SH3GLB1: variants seen among roughly 807,000 people sequenced by gnomAD.
SH3GLB1 encodes the protein SH3 domain containing GRB2 like, endophilin B1, also known as endophilin-B1.
A neutral mutation model predicts 42.0 loss-of-function variants in SH3GLB1; 17 were observed. The ratio of observed to expected loss-of-function variants is 0.40; its 90% CI spans 0.28 to 0.61. The LOEUF is 0.61. SH3GLB1 is among the 20% of genes least tolerant of loss of function. SH3GLB1 has a pLI of 0.36. For synonymous variants in SH3GLB1, 132 were observed against 146.6 expected (o/e 0.90, Z 0.72); for missense variants, 355 against 426.3 (o/e 0.83, Z 1.47).
Position 86,742,428 on chromosome 1 carries a change from G to T in SH3GLB1, c.982G>T (p.Ala328Ser). 6.2e-7 allele frequency: 1 copy of T among 1,613,152 alleles called. No homozygotes were observed. The highest frequency in any genetic ancestry group is 8.5e-7 in the Non-Finnish European group (1 of 1,179,180). ...AAACAGTACTGAATTATCACTTCTG[G>T]CAGATGAGGTGAGTATTGTGGGTAT... is the stretch of plus-strand genomic sequence containing the variant. ...AANSTELSLL[A>S]DEVITVFSVV... Residue 328 changes from alanine (A) to serine (S), a missense_variant, in exon 8 of 9, where the codon GCA becomes TCA. Physicochemically the swap from Ala to Ser is moderately conservative, Grantham distance 99 (BLOSUM62 1). Coordinates refer to ENST00000370558, the MANE Select transcript of SH3GLB1 (RefSeq NM_016009.5).
intron 4 of SH3GLB1, among the ~76,000 whole-genome samples, chr1:86,723,886 T>G (rs990847384): frequency 6.6e-6 from 1 of 152,178 alleles, no homozygotes; most frequent in Non-Finnish European, 1.5e-5. Context: ...AATGACGTTT[T>G]GGGCTGCACA....
At chr1:86,725,934 T>C (rs1655173025) in intron 5 of SH3GLB1, among the ~76,000 whole-genome samples, 1 of 152,162 alleles carries the variant, frequency 6.6e-6, no homozygotes, top group Non-Finnish European at 1.5e-5. Flanking sequence ...TCACAGTTTA[T>C]CATTACATCA....
intron 1 of SH3GLB1, among the ~76,000 whole-genome samples, chr1:86,707,891 C>G (rs1332834100): frequency 6.6e-6 from 1 of 152,006 alleles, no homozygotes; most frequent in Non-Finnish European, 1.5e-5. Context: ...CAGGATCCAC[C>G]TGCTTCGGCC....
In SH3GLB1 at chr1:86,746,284, A is replaced by G. The variant is rs768444313; in HGVS notation, c.*3049A>G. On this transcript the variant is annotated 3_prime_UTR_variant, in exon 9 of 9. Transcript: ENST00000370558. ...TGGAGGGCAAGGCAAAAACCCACAG[A>G]CTTGTTTACCCATAGAGGCCCCACT... The G allele has an allele frequency of 1.3e-5, 2 of 152,138 alleles. No individual in the cohort carries two copies. The highest frequency in any genetic ancestry group is 2.9e-5 in the Non-Finnish European group (2 of 68,020). The allele number at this position is 152,138 out of a possible 1,614,324, so 9.4% of individuals were successfully genotyped here.
At chr1:86,709,400 T>C (rs1654065022) in intron 1 of SH3GLB1, among the ~76,000 whole-genome samples, 1 of 152,206 alleles carries the variant, frequency 6.6e-6, no homozygotes, top group Non-Finnish European at 1.5e-5. Flanking sequence ...GACCTTGAAG[T>C]TAACTAATAC....
At chr1:86,709,116 A>G (rs1371064437) in intron 1 of SH3GLB1, among the ~76,000 whole-genome samples, 2 of 152,218 alleles carry the variant, frequency 1.3e-5, no homozygotes, top group African/African-American at 2.4e-5. Context: ...TTCAATTCCA[A>G]ATGATGAGGT....
chr1:86,727,577 A>C (rs887648218), intron 5 of SH3GLB1, among the ~76,000 whole-genome samples: 2 of 152,042 alleles, frequency 1.3e-5, no homozygotes, highest in African/African-American at 4.8e-5. Context: ...CCAAAACCAG[A>C]AATCTGAAAC....
At chr1:86,740,419 G>A (rs746213479) in intron 7 of SH3GLB1, among the ~76,000 whole-genome samples, 14 of 152,208 alleles carry the variant, frequency 9.2e-5, no homozygotes, top group Non-Finnish European at 1.9e-4. Flanking sequence ...TCCTGTTAAA[G>A]TAGATGCATG....
chr1:86,717,167 C>T (rs916052452), intron 2 of SH3GLB1, among the ~76,000 whole-genome samples: 1 of 152,120 alleles, frequency 6.6e-6, no homozygotes, highest in Non-Finnish European at 1.5e-5. Context: ...TTGAGTGAGT[C>T]CTAATGTCTT....
In SH3GLB1 at chr1:86,744,716, A is replaced by G. The variant is rs1201940642; in HGVS notation, c.*1481A>G. ...TACTTTTAAAAAAATGAATACTTAAACACCGTTTTAAAATTTTGTGTTAAG... is the reference window on the plus strand; with the variant it reads ...TACTTTTAAAAAAATGAATACTTAAGCACCGTTTTAAAATTTTGTGTTAAG... On this transcript the variant is annotated 3_prime_UTR_variant, in exon 9 of 9. Coordinates refer to ENST00000370558, the MANE Select transcript of SH3GLB1 (RefSeq NM_016009.5). 1 of 152,234 alleles carries G rather than the reference A, an allele frequency of 6.6e-6. No homozygotes were observed. The highest frequency in any genetic ancestry group is 1.5e-5 in the Non-Finnish European group (1 of 68,032). 9.4% of individuals were successfully genotyped at this position (152,234 alleles called of 1,614,324 possible).
chr1:86,723,995 CA>C (rs1404295529), intron 4 of SH3GLB1, among the ~76,000 whole-genome samples: 1 of 152,106 alleles, frequency 6.6e-6, no homozygotes, highest in African/African-American at 2.4e-5. Context: ...TTGTGACAAC[CA>C]AAAAGGTATT....
chr1:86,733,383 G>A (rs1422399016), intron 5 of SH3GLB1, among the ~76,000 whole-genome samples: 1 of 152,262 alleles, frequency 6.6e-6, no homozygotes, highest in African/African-American at 2.4e-5. Flanking sequence ...GATGAGGAGA[G>A]GGAGATGAGG....
chr1:86,743,143 A>C lies in SH3GLB1; in HGVS notation c.1006A>C (p.Ser336Arg), dbSNP rs752866014. ...LLADEVITVF[S>R]VVGMDSDWLM... ...TATTTTGCAGGTGATCACTGTGTTC[A>C]GTGTTGTTGGAATGGATTCAGACTG... The change falls in exon 9 of 9, where the codon AGT becomes CGT. Residue 336 changes from serine to arginine, a missense_variant. Physicochemically the swap from Ser to Arg is moderately radical, Grantham distance 110. Coordinates refer to ENST00000370558, the MANE Select transcript of SH3GLB1 (RefSeq NM_016009.5). 6.8e-6 allele frequency: 11 copies of C among 1,612,074 alleles called. No homozygotes were observed. The highest frequency in any genetic ancestry group is 1.3e-5 in the African/African-American group (1 of 74,706).
chr1:86,741,319 T>C (rs1244483523), intron 7 of SH3GLB1, among the ~76,000 whole-genome samples: 2 of 152,208 alleles, frequency 1.3e-5, no homozygotes, highest in African/African-American at 4.8e-5. Flanking sequence ...AAACTTTGAA[T>C]TTTTGTAGAT....
chr1:86,724,718 T>C (rs1314167186), intron 5 of SH3GLB1, among the ~76,000 whole-genome samples: 1 of 150,452 alleles, frequency 6.6e-6, no homozygotes, highest in East Asian at 1.9e-4. Context: ...CTACAGAAAG[T>C]ACAAAAATGA....
In SH3GLB1 at chr1:86,724,293, T is replaced by C; in HGVS notation, c.478-20T>C. The C allele has an allele frequency of 6.5e-7, 1 of 1,529,776 alleles. No individual in the cohort carries two copies. Among genetic ancestry groups the C allele is most frequent in the Non-Finnish European group, 8.8e-7 (1 of 1,133,576 alleles). The allele number at this position is 1,529,776 out of a possible 1,614,324, so 94.8% of individuals were successfully genotyped here. ...ATTTTAGCATCTTTAGCCCTTATTT[T>C]TTCTTTTCTATATTTATAGAAAGAA... On this transcript the variant is annotated intron_variant, in intron 4 of 8. Transcript: ENST00000370558.
At chr1:86,718,265 C>T (rs1274916803) in intron 2 of SH3GLB1, among the ~76,000 whole-genome samples, 1 of 151,942 alleles carries the variant, frequency 6.6e-6, no homozygotes, top group Non-Finnish European at 1.5e-5. Context: ...AGGCTGGTCT[C>T]AAACTCCTGA....
intron 5 of SH3GLB1, among the ~76,000 whole-genome samples, chr1:86,726,770 A>G (rs1655216970): frequency 6.6e-6 from 1 of 151,980 alleles, no homozygotes; most frequent in African/African-American, 2.4e-5. Flanking sequence ...GTTTATTATT[A>G]CATAAAGCCT....
chr1:86,707,308 G>C (rs1653926742), intron 1 of SH3GLB1, among the ~76,000 whole-genome samples: 1 of 152,202 alleles, frequency 6.6e-6, no homozygotes, highest in Non-Finnish European at 1.5e-5. Context: ...AAGTATTTCA[G>C]GCAGCAGGAA....
Sources: gnomAD v4.1 joint callset for allele counts (sites outside exome capture counted in the v4.1 genomes callset) on GRCh38, gnomAD v4.1.1 for gene constraint, MANE v1.5 for transcripts, NCBI Gene and HGNC (gene_info 2026-07-23, HGNC 2026-07-21) for gene names.